Variants in NPAS3 observed in about 807,000 individuals in gnomAD.
NPAS3 encodes the protein neuronal PAS domain protein 3.
In NPAS3, 14 loss-of-function variants were observed where a neutral mutation model predicts 73.1. The ratio of observed to expected loss-of-function variants is 0.19; its 90% CI spans 0.13 to 0.30. NPAS3 has a LOEUF of 0.30. Among genes scored for constraint, NPAS3 ranks in the 10% least tolerant of loss-of-function variants. The pLI is 1.00. For synonymous variants in NPAS3, 620 were observed against 541.5 expected (o/e 1.14, Z -2.01); for missense variants, 1,096 against 1,250.0 (o/e 0.88, Z 1.86).
At chr14:33,555,955 T>C (rs1483963828) in intron 4 of NPAS3, among the ~76,000 whole-genome samples, 1 of 152,062 alleles carries the variant, frequency 6.6e-6, no homozygotes, top group Non-Finnish European at 1.5e-5. Context: ...TTTAACTAGT[T>C]GTTTTCCCCC....
At chr14:33,707,290 A>T (rs2060682856) in intron 6 of NPAS3, among the ~76,000 whole-genome samples, 1 of 152,142 alleles carries the variant, frequency 6.6e-6, no homozygotes, top group Non-Finnish European at 1.5e-5. Context: ...GAACACAAAT[A>T]GTTCTATTTC....
chr14:33,307,283 T>G (rs1327842531), intron 3 of NPAS3, among the ~76,000 whole-genome samples: 1 of 152,200 alleles, frequency 6.6e-6, no homozygotes, highest in Non-Finnish European at 1.5e-5. Context: ...ATTTGTCCTC[T>G]TTGCCAGAGA....
At chr14:32,991,037 A>C (rs1387611861) in intron 1 of NPAS3, among the ~76,000 whole-genome samples, 1 of 152,034 alleles carries the variant, frequency 6.6e-6, no homozygotes, top group Non-Finnish European at 1.5e-5. Flanking sequence ...TCAATGAGAT[A>C]GATACAGGAT....
At chr14:33,247,151 T>TAG (rs555408309) in intron 3 of NPAS3, among the ~76,000 whole-genome samples, 92 of 146,050 alleles carry the variant, frequency 6.3e-4, no homozygotes, top group African/African-American at 1.7e-3. Context: ...GAGAGTACTT[T>TAG]AATGTACATT....
chr14:33,563,537 C>CACACACACACACAGAGAG lies in NPAS3; in HGVS notation c.558+3328_558+3329insCACACACACACAGAGAGA. On this transcript the variant is annotated intron_variant, in intron 5 of 11. Coordinates refer to ENST00000356141, the Ensembl canonical transcript of NPAS3. ...ATACATACACACACACACACACACACAGAGAGAGAGAGAGAGAGAGAGAGA... is the reference window on the plus strand; with the variant it reads ...ATACATACACACACACACACACACACACACACACACACAGAGAGAGAGAGAGAGAGAGAGAGAGAGAGA... Among the ~76,000 whole-genome samples the CACACACACACACAGAGAG allele has an allele frequency of 3.2e-3, 388 of 119,500 alleles. 4 individuals are homozygous for CACACACACACACAGAGAG. The highest frequency in any genetic ancestry group is 0.012 in the African/African-American group (326 of 26,754). 78.4% of individuals were successfully genotyped at this position (119,500 alleles called of 152,430 possible).
intron 6 of NPAS3, chr14:33,680,501 TTTGTATTTCTTTCTAAA>T: frequency 3.0e-6 from 2 of 672,726 alleles, no homozygotes; most frequent in Non-Finnish European, 5.3e-6. Flanking sequence ...GGTGGGGTTT[TTTGTATTTCTTTCTAAA>T]ATAAGATTGT....
intron 2 of NPAS3, among the ~76,000 whole-genome samples, chr14:33,089,677 A>G (rs1009480991): frequency 6.6e-6 from 1 of 152,094 alleles, no homozygotes; most frequent in Non-Finnish European, 1.5e-5. Context: ...GAGAAGAGCA[A>G]CTCCAAGACA....
At chr14:33,336,544 A>G (rs2044236272) in intron 3 of NPAS3, among the ~76,000 whole-genome samples, 1 of 152,174 alleles carries the variant, frequency 6.6e-6, no homozygotes, top group Admixed American at 6.5e-5. Flanking sequence ...ATTCTCTTTC[A>G]GGAAATACTT....
intron 3 of NPAS3, among the ~76,000 whole-genome samples, chr14:33,339,117 A>G (rs982328070): frequency 4.6e-5 from 7 of 152,220 alleles, no homozygotes; most frequent in African/African-American, 1.7e-4. Context: ...CCCCGTAATT[A>G]ATGTGTAATA....
At chr14:33,461,302 C>A (rs1288274469) in intron 4 of NPAS3, among the ~76,000 whole-genome samples, 1 of 152,170 alleles carries the variant, frequency 6.6e-6, no homozygotes, top group African/African-American at 2.4e-5. Context: ...GGAGATTCAA[C>A]TGAGAAGGCT....
chr14:33,717,978 G>A (rs974859709), intron 6 of NPAS3, among the ~76,000 whole-genome samples: 1 of 150,010 alleles, frequency 6.7e-6, no homozygotes, highest in Non-Finnish European at 1.5e-5. Context: ...GCAATTTTTG[G>A]AATACCTGCT....
intron 2 of NPAS3, among the ~76,000 whole-genome samples, chr14:33,061,623 G>A (rs1187093862): frequency 6.6e-6 from 1 of 152,114 alleles, no homozygotes; most frequent in African/African-American, 2.4e-5. Flanking sequence ...TTATTTAGGG[G>A]TTATTCTAGA....
rs562398319 is a variant in NPAS3, at chr14:33,638,121, G to A, written c.559-38090G>A. On this transcript the variant is annotated intron_variant, in intron 5 of 11. Coordinates refer to ENST00000356141, the Ensembl canonical transcript of NPAS3. ...GACATGGTCTATCAAAGAAATTATA[G>A]CAAAAAGTATTGGACATTTCAGCAT... Among the ~76,000 whole-genome samples, 19 of 152,276 alleles carry A rather than the reference G, an allele frequency of 1.2e-4. No homozygotes were observed. The South Asian group carries it at 3.9e-3, about 32-fold the overall frequency.
upstream of NPAS3, among the ~76,000 whole-genome samples, chr14:32,937,028 T>C (rs1416114652): frequency 1.3e-5 from 2 of 151,764 alleles, no homozygotes; most frequent in Admixed American, 6.6e-5. Flanking sequence ...GAGAAGATGA[T>C]AGCTGTGAAA....
chr14:33,664,086 G>C (rs2059385623), intron 5 of NPAS3, among the ~76,000 whole-genome samples: 1 of 151,694 alleles, frequency 6.6e-6, no homozygotes, highest in Non-Finnish European at 1.5e-5. Flanking sequence ...AAAGAACAAA[G>C]CTGGAGACAT....
chr14:33,770,356 T>A (rs553316173), intron 7 of NPAS3, among the ~76,000 whole-genome samples: 1 of 152,324 alleles, frequency 6.6e-6, no homozygotes, highest in Admixed American at 6.5e-5. Flanking sequence ...ATTCACATGT[T>A]AACAAAGCTT....
chr14:33,183,077 G>T (rs1160273724), intron 2 of NPAS3, among the ~76,000 whole-genome samples: 4 of 152,022 alleles, frequency 2.6e-5, no homozygotes, highest in Non-Finnish European at 5.9e-5. Flanking sequence ...CCTTTAAGTT[G>T]CCTTAAGGGC....
intron 3 of NPAS3, among the ~76,000 whole-genome samples, chr14:33,230,875 T>C (rs563338838): frequency 1.3e-5 from 2 of 152,352 alleles, no homozygotes; most frequent in African/African-American, 4.8e-5. Context: ...AAACCACTTA[T>C]GTTCATTTTC....
At chr14:33,307,259 A>C (rs1372454495) in intron 3 of NPAS3, among the ~76,000 whole-genome samples, 1 of 152,208 alleles carries the variant, frequency 6.6e-6, no homozygotes, top group Non-Finnish European at 1.5e-5. Context: ...AAATTCAAAG[A>C]AATAAAAATT....
Sources: gnomAD v4.1 joint callset for allele counts (sites outside exome capture counted in the v4.1 genomes callset) on GRCh38, gnomAD v4.1.1 for gene constraint, MANE v1.5 for transcripts, NCBI Gene and HGNC (gene_info 2026-07-23, HGNC 2026-07-21) for gene names.